The following NPAS3 variants were observed in gnomAD, a reference collection of about 807,000 sequenced individuals.
The protein encoded by NPAS3 is neuronal PAS domain protein 3.
Under a neutral mutation model 73.1 loss-of-function variants are expected in NPAS3, and 14 were observed. That is an observed-to-expected ratio of 0.19 (90% CI 0.13 to 0.30). The LOEUF (loss-of-function observed/expected upper bound fraction) is 0.30, where lower values mean the gene tolerates loss of function less well. Ranked by LOEUF, NPAS3 falls within the 10% of genes least tolerant of loss-of-function variation. The pLI is 1.00. For synonymous variants in NPAS3, 620 were observed against 541.5 expected (o/e 1.14, Z -2.01); for missense variants, 1,096 against 1,250.0 (o/e 0.88, Z 1.86).
At chr14:33,735,318 T>A in exon 7 of NPAS3, 2 of 1,612,610 alleles carry the variant, frequency 1.2e-6, no homozygotes, top group Non-Finnish European at 1.7e-6. Context: ...GCACATCAAA[T>A]CATCAGGATA....
intron 1 of NPAS3, among the ~76,000 whole-genome samples, chr14:32,959,579 G>A (rs897940996): frequency 6.6e-6 from 1 of 152,106 alleles, no homozygotes; most frequent in East Asian, 1.9e-4. Context: ...ACCTTCTGCA[G>A]CCTGCATGAA....
chr14:33,629,568 G>A (rs1947583546), intron 5 of NPAS3, among the ~76,000 whole-genome samples: 1 of 148,712 alleles, frequency 6.7e-6, no homozygotes, highest in African/African-American at 2.5e-5. Flanking sequence ...TTTTTTTGTT[G>A]TTTTTGTTTT....
At chr14:33,140,497 T>G (rs2044006029) in intron 2 of NPAS3, among the ~76,000 whole-genome samples, 1 of 152,182 alleles carries the variant, frequency 6.6e-6, no homozygotes, top group South Asian at 2.1e-4. Context: ...GTCTTATTTC[T>G]TTCTAGAAGT....
chr14:33,313,087 A>C (rs1490513939), intron 3 of NPAS3, among the ~76,000 whole-genome samples: 1 of 152,036 alleles, frequency 6.6e-6, no homozygotes, highest in Non-Finnish European at 1.5e-5. Context: ...TGTTTTTGGC[A>C]GTACAATAAG....
intron 2 of NPAS3, among the ~76,000 whole-genome samples, chr14:33,092,672 G>T (rs1321732376): frequency 6.6e-6 from 1 of 152,156 alleles, no homozygotes; most frequent in South Asian, 2.1e-4. Context: ...TCAATCCTAA[G>T]CCAAAAGGAC....
chr14:32,977,245 A>T (rs2037718234), intron 1 of NPAS3, among the ~76,000 whole-genome samples: 1 of 151,828 alleles, frequency 6.6e-6, no homozygotes, highest in Non-Finnish European at 1.5e-5. Flanking sequence ...TTTATTATTT[A>T]AAATAGTCTA....
intron 2 of NPAS3, among the ~76,000 whole-genome samples, chr14:33,118,408 A>G (rs2139017648): frequency 1.3e-5 from 2 of 152,194 alleles, no homozygotes; most frequent in Middle Eastern, 6.8e-3. Context: ...TTCAGGAAGA[A>G]CTATACATGT....
chr14:33,610,997 C>A (rs1407129129), intron 5 of NPAS3: 2 of 152,312 alleles, frequency 1.3e-5, no homozygotes, highest in Admixed American at 6.5e-5. Context: ...GAGATGTATG[C>A]AAGAAACGTT....
intron 2 of NPAS3, among the ~76,000 whole-genome samples, chr14:33,164,134 G>C (rs947495431): frequency 6.6e-6 from 1 of 152,208 alleles, no homozygotes; most frequent in Admixed American, 6.5e-5. Flanking sequence ...GAAAATTCAT[G>C]TGTTCTCTGA....
At chr14:33,739,477 C>T (rs770995593) in intron 7 of NPAS3, among the ~76,000 whole-genome samples, 6 of 152,142 alleles carry the variant, frequency 3.9e-5, no homozygotes, top group Admixed American at 1.3e-4. Context: ...ACAAAATTAA[C>T]GAGAAGGTGC....
intron 6 of NPAS3, among the ~76,000 whole-genome samples, chr14:33,697,969 T>C (rs2060431085): frequency 6.6e-6 from 1 of 152,370 alleles, no homozygotes; most frequent in East Asian, 1.9e-4. Flanking sequence ...AAGAATTCTT[T>C]ATATTCTTAC....
rs10567527 is a variant in NPAS3, at chr14:33,789,583, C to CTTTTTTTTTTTTTTTT, written c.1154-4306_1154-4291dup. On this transcript the variant is annotated intron_variant, in intron 9 of 11. Coordinates refer to ENST00000356141, the Ensembl canonical transcript of NPAS3. The stretch of plus-strand genomic sequence containing the variant: ...ACTAAAAGTAATTACTAGAGTACAA[C>CTTTTTTTTTTTTTTTT]TTTTTTTTTTTTTTTTTTTTTTTGA... Among the ~76,000 whole-genome samples the CTTTTTTTTTTTTTTTT allele has an allele frequency of 1.1e-3, 98 of 92,404 alleles. 10 individuals carry two copies. The highest frequency in any genetic ancestry group is 1.7e-3 in the Non-Finnish European group (86 of 50,080). The allele number at this position is 92,404 out of a possible 152,430, so 60.6% of individuals were successfully genotyped here. A position where few individuals can be genotyped will look rare whatever the true frequency, so the allele number is the denominator to read the frequency against.
intron 2 of NPAS3, among the ~76,000 whole-genome samples, chr14:33,105,820 C>T: frequency 6.6e-6 from 1 of 152,224 alleles, no homozygotes; most frequent in African/African-American, 2.4e-5. Context: ...TAAAAAATGT[C>T]TGGTAATGGC....
intron 1 of NPAS3, among the ~76,000 whole-genome samples, chr14:32,997,741 G>A (rs1019663771): frequency 4.0e-5 from 6 of 149,182 alleles, no homozygotes; most frequent in African/African-American, 1.0e-4. Context: ...TGGCTAACAC[G>A]GTGAAACCCC....
rs186349883 is a variant in NPAS3, at chr14:33,100,610, G to A, written c.140+44616G>A. On this transcript the variant is annotated intron_variant, in intron 2 of 11. Coordinates refer to ENST00000356141, the Ensembl canonical transcript of NPAS3. Reference sequence around the variant, plus strand: ...AATTATACAACGCTATTTAATTTGCGTAGTTAACTTAAAGGAAAACTTCAC... The same window carrying A: ...AATTATACAACGCTATTTAATTTGCATAGTTAACTTAAAGGAAAACTTCAC... Among the ~76,000 whole-genome samples the A allele has an allele frequency of 1.8e-3, 279 of 152,178 alleles. 1 individual carries two copies. The highest frequency in any genetic ancestry group is 6.2e-3 in the African/African-American group (256 of 41,518).
intron 7 of NPAS3, 131 bp downstream of exon 7, chr14:33,735,463 T>TA: frequency 1.5e-6 from 1 of 688,098 alleles, no homozygotes; most frequent in Middle Eastern, 2.5e-4. Context: ...GGATTCCCAG[T>TA]CATCTTCCTG....
intron 5 of NPAS3, among the ~76,000 whole-genome samples, chr14:33,576,228 ATG>A (rs2056427633): frequency 6.6e-6 from 1 of 152,174 alleles, no homozygotes; most frequent in Admixed American, 6.5e-5. Context: ...ATAGTACCAT[ATG>A]AACTCGTAGA....
At chr14:33,067,708 C>T (rs544986279) in intron 2 of NPAS3, among the ~76,000 whole-genome samples, 10 of 152,334 alleles carry the variant, frequency 6.6e-5, no homozygotes, top group South Asian at 2.1e-4. Flanking sequence ...TCACACAGCT[C>T]GGGTGTAACA....
At chr14:33,273,019 A>G (rs1021487833) in intron 3 of NPAS3, among the ~76,000 whole-genome samples, 14 of 152,200 alleles carry the variant, frequency 9.2e-5, no homozygotes, top group African/African-American at 1.7e-4. Flanking sequence ...TATTCTTTCA[A>G]TTGCTGTTGC....
Sources: allele counts gnomAD v4.1 joint callset (sites outside exome capture counted in the v4.1 genomes callset), GRCh38; gene constraint gnomAD v4.1.1; transcripts MANE v1.5; gene names NCBI Gene and HGNC (gene_info 2026-07-23, HGNC 2026-07-21).